VPS13B: variants seen among roughly 807,000 people sequenced by gnomAD.
The protein encoded by VPS13B is vacuolar protein sorting 13 homolog B.
VPS13B carries 285 observed loss-of-function variants against 426.4 expected under a neutral mutation model. The ratio of observed to expected loss-of-function variants is 0.67; its 90% CI spans 0.61 to 0.74. The LOEUF is 0.74. Ranked by LOEUF, VPS13B falls within the 30% of genes least tolerant of loss-of-function variation. The probability of loss-of-function intolerance (pLI) is 0.00; values close to 1 mark genes in which losing one functional copy is unlikely to be tolerated. For synonymous variants in VPS13B, 1,676 were observed against 1,676.4 expected, an observed-to-expected ratio of 1.00 and a Z score of 0.01; for missense variants, 4,537 against 4,782.6, an observed-to-expected ratio of 0.95 and a Z score of 1.51.
At chr8:99,640,920 G>C (rs1829333354) in intron 33 of VPS13B, among the ~76,000 whole-genome samples, 1 of 151,924 alleles carries the variant, frequency 6.6e-6, no homozygotes, top group Non-Finnish European at 1.5e-5. Flanking sequence ...TTACTCTTAT[G>C]GATTTTTTAT....
chr8:99,120,430 A>C (rs1847882614), intron 7 of VPS13B: 1 of 152,118 alleles, frequency 6.6e-6, no homozygotes. Context: ...TAATTATATT[A>C]AAGGACTTTG....
intron 26 of VPS13B, among the ~76,000 whole-genome samples, chr8:99,502,387 A>G (rs1409048489): frequency 2.0e-5 from 3 of 152,214 alleles, no homozygotes; most frequent in East Asian, 1.9e-4. Flanking sequence ...AATAATTATT[A>G]TTAGCTCTAA....
At chr8:99,038,331 T>C in intron 2 of VPS13B, 92 bp from the exon 3 acceptor site, 1 of 1,079,748 alleles carries the variant, frequency 9.3e-7, no homozygotes, top group South Asian at 1.7e-5. Flanking sequence ...ATTCTTGTGT[T>C]GGAAATTTTA....
intron 23 of VPS13B, among the ~76,000 whole-genome samples, chr8:99,459,715 A>G (rs1195767254): frequency 3.9e-5 from 6 of 152,194 alleles, no homozygotes; most frequent in South Asian, 4.1e-4. Flanking sequence ...ATCATATGGG[A>G]CCACCATTGT....
At chr8:99,665,080 A>AT (rs1279718181) in intron 35 of VPS13B, among the ~76,000 whole-genome samples, 1 of 152,066 alleles carries the variant, frequency 6.6e-6, no homozygotes, top group Non-Finnish European at 1.5e-5. Flanking sequence ...GATGATGAGC[A>AT]TTTTTTCATG....
At chr8:99,213,561 T>G (rs1815222722) in intron 17 of VPS13B, among the ~76,000 whole-genome samples, 1 of 152,232 alleles carries the variant, frequency 6.6e-6, no homozygotes, top group African/African-American at 2.4e-5. Context: ...CCTGCTTTGA[T>G]AGTCCATACA....
In VPS13B at chr8:99,507,850, T is replaced by A. The variant is rs765998879; in HGVS notation, c.4224+647T>A. 4 of 1,614,002 alleles carry A rather than the reference T, an allele frequency of 2.5e-6. No individual in the cohort carries two copies. The Admixed American group carries it at 6.7e-5, about 27-fold the overall frequency. ...ACTGACAAGCTGAACAGACGCACCT[T>A]GTTGGTTCGACCCATCAGCAAGCAG... On this transcript the variant is annotated intron_variant, in intron 28 of 61. Coordinates refer to ENST00000357162, the MANE Select transcript of VPS13B (RefSeq NM_152564.5).
Position 99,821,460 on chromosome 8 carries a change from G to T in VPS13B, c.9161G>T (p.Gly3054Val), listed in dbSNP as rs1399549081. ...EAFVDTEIRL[G>V]AFPGHQKLCQ... ...TTTGTTGATACTGAAATAAGACTTG[G>T]TGCTTTTCCAGGACATCAGAAGGTA... is the stretch of plus-strand genomic sequence containing the variant. The change falls in exon 50 of 62, where the codon GGT (glycine) becomes GTT (valine). Residue 3054 changes from glycine to valine, a missense_variant. Physicochemically the swap from Gly to Val is moderately radical, Grantham distance 109. Around this residue, in one of 2 missense-constraint regions of VPS13B, gnomAD observed 4,311 missense variants for 4,474.3 expected, o/e 0.96. Coordinates refer to ENST00000357162, the MANE Select transcript of VPS13B (RefSeq NM_152564.5). 11 of 1,613,764 alleles carry T rather than the reference G, an allele frequency of 6.8e-6. No homozygotes were observed. Among genetic ancestry groups the T allele is most frequent in the Non-Finnish European group, 9.3e-6 (11 of 1,179,732 alleles).
intron 3 of VPS13B, among the ~76,000 whole-genome samples, chr8:99,045,550 A>C (rs1044166673): frequency 5.9e-5 from 9 of 151,994 alleles, no homozygotes; most frequent in Admixed American, 4.6e-4. Flanking sequence ...AAAGCTCTTT[A>C]GTTTAATTAA....
chr8:99,794,676 G>A (rs529668116), intron 43 of VPS13B, among the ~76,000 whole-genome samples: 44 of 152,158 alleles, frequency 2.9e-4, no homozygotes, highest in African/African-American at 1.1e-3. Context: ...TTTTCATTTT[G>A]TACTGTCTTT....
intron 4 of VPS13B, among the ~76,000 whole-genome samples, chr8:99,100,250 C>T (rs1265018225): frequency 6.6e-6 from 1 of 152,022 alleles, no homozygotes; most frequent in African/African-American, 2.4e-5. Context: ...TTATTCATCT[C>T]AATTTGTATG....
chr8:99,508,515 A>G (rs1030948650), intron 28 of VPS13B, among the ~76,000 whole-genome samples: 2 of 152,164 alleles, frequency 1.3e-5, no homozygotes, highest in African/African-American at 2.4e-5. Flanking sequence ...GTGTATTTGC[A>G]TAGCAAGTGT....
chr8:99,729,964 G>A (rs1392918578), intron 39 of VPS13B, among the ~76,000 whole-genome samples: 1 of 152,226 alleles, frequency 6.6e-6, no homozygotes, highest in Non-Finnish European at 1.5e-5. Flanking sequence ...ATTAGCACAT[G>A]ATGGCACTAC....
intron 30 of VPS13B, 72 bp downstream of exon 30, chr8:99,521,082 TAGTGTGG>T: frequency 8.5e-7 from 1 of 1,181,338 alleles, no homozygotes; most frequent in African/African-American, 1.5e-5. Flanking sequence ...GTCAATAACT[TAGTGTGG>T]CCTGTAGAAA....
chr8:99,460,174 G>C (rs981185176), intron 23 of VPS13B, among the ~76,000 whole-genome samples: 1 of 151,810 alleles, frequency 6.6e-6, no homozygotes, highest in Non-Finnish European at 1.5e-5. Context: ...TTGTTACTCT[G>C]TTCCCCTTTT....
intron 2 of VPS13B, among the ~76,000 whole-genome samples, chr8:99,027,809 A>T (rs1298557771): frequency 6.6e-6 from 1 of 151,550 alleles, no homozygotes; most frequent in African/African-American, 2.4e-5. Flanking sequence ...TGGCAGGGTC[A>T]TAGGACAATA....
intron 3 of VPS13B, among the ~76,000 whole-genome samples, chr8:99,070,070 G>T (rs972415960): frequency 6.6e-6 from 1 of 152,024 alleles, no homozygotes; most frequent in Non-Finnish European, 1.5e-5. Context: ...ATGCCCAGCT[G>T]ATTTTTTTAA....
chr8:99,382,661 T>C (rs1813880619), intron 19 of VPS13B, among the ~76,000 whole-genome samples: 1 of 152,218 alleles, frequency 6.6e-6, no homozygotes, highest in Admixed American at 6.5e-5. Flanking sequence ...TTTTGTATGT[T>C]GAATTTGTAT....
At chr8:99,222,611 A>G (rs905167601) in intron 17 of VPS13B, among the ~76,000 whole-genome samples, 1 of 152,236 alleles carries the variant, frequency 6.6e-6, no homozygotes, top group Non-Finnish European at 1.5e-5. Flanking sequence ...AAGAAAAACC[A>G]GTGGATTTTA....
Sources: allele counts gnomAD v4.1 joint callset (sites outside exome capture counted in the v4.1 genomes callset), GRCh38; gene constraint gnomAD v4.1.1; regional missense constraint gnomAD v4.1.1; transcripts MANE v1.5; gene names NCBI Gene and HGNC (gene_info 2026-07-23, HGNC 2026-07-21).